Variants in HYDIN observed in about 807,000 individuals in gnomAD.
HYDIN encodes the protein axonemal central pair apparatus protein HYDIN.
In HYDIN, 132 loss-of-function variants were observed where a neutral mutation model predicts 403.9. The observed-to-expected ratio is 0.33, with a 90% confidence interval of 0.28 to 0.38. The LOEUF is 0.38. HYDIN is among the 10% of genes least tolerant of loss of function. HYDIN has a pLI of 1.00. For missense variants in HYDIN, 2,827 were observed against 5,009.5 expected (o/e 0.56, Z 13.15); for synonymous variants, 1,202 against 1,891.7 (o/e 0.64, Z 9.46).
At position 70,901,137 on chromosome 16, in the gene HYDIN, C is replaced by G; in HGVS notation, c.8915G>C (p.Ser2972Thr). Residue 2972 changes from serine (S) to threonine (T), a missense_variant, in exon 53 of 86, where the codon AGC (serine) becomes ACC (threonine). Transcript: ENST00000393567. ...TLLPVAWRIT[S>T]LEHLGDDFTV... ...GAAATCATCACCCAAGTGCTCCAGG[C>G]TGGTGATCCGCCAGGCCACAGGCAG... 5.3e-6 allele frequency: 5 copies of G among 944,762 alleles called. No homozygotes were observed. The East Asian group carries it at 1.2e-4, about 23-fold the overall frequency. The allele number at this position is 944,762 out of a possible 1,614,324, so 58.5% of individuals were successfully genotyped here.
At chr16:70,896,213 G>C in intron 53 of HYDIN, 133 bp from the exon 54 acceptor site, 1 of 871,404 alleles carries the variant, frequency 1.1e-6, no homozygotes, top group Non-Finnish European at 1.7e-6. Context: ...TTTTATCTTC[G>C]CCAAGCATTT....
At chr16:70,847,611 T>C (rs1359105197) in intron 75 of HYDIN, among the ~76,000 whole-genome samples, 3 of 152,128 alleles carry the variant, frequency 2.0e-5, no homozygotes, top group Non-Finnish European at 2.9e-5. Flanking sequence ...TAAAATTCCT[T>C]GTTGATAATT....
In HYDIN at chr16:70,868,557, T is replaced by C; in HGVS notation, c.11310+13A>G. ...GAGGCCTGGTCAGATTGGTGCTTGA[T>C]GTCCCCACTTACTTTTCGTTTTGTA... On this transcript the variant is annotated intron_variant, in intron 66 of 85. Coordinates refer to ENST00000393567, the MANE Select transcript of HYDIN (RefSeq NM_001270974.2). 6.2e-7 allele frequency: 1 copy of C among 1,606,690 alleles called. No individual in the cohort carries two copies. The highest frequency in any genetic ancestry group is 8.5e-7 in the Non-Finnish European group (1 of 1,177,674).
At chr16:70,865,422 A>C (rs1458768148) in intron 67 of HYDIN, 1 of 373,844 alleles carries the variant, frequency 2.7e-6, no homozygotes, top group East Asian at 7.2e-5. Context: ...TCAGATTATG[A>C]GCTCTTTGAA....
intron 1 of HYDIN, among the ~76,000 whole-genome samples, chr16:71,225,723 C>T (rs1022409346): frequency 1.3e-5 from 2 of 151,760 alleles, no homozygotes; most frequent in Admixed American, 1.3e-4. Context: ...CACAGTTCTC[C>T]CCACCAAGAC....
At position 70,807,507 on chromosome 16, in the gene HYDIN, ATTG is replaced by A. The variant is rs2035161584; in HGVS notation, c.*70_*72del. On this transcript the variant is annotated 3_prime_UTR_variant, in exon 86 of 86. Coordinates refer to ENST00000393567, the MANE Select transcript of HYDIN (RefSeq NM_001270974.2). ...TAAAAACAGTTCCTTTAGAATTCTT[ATTG>A]TTTTCTCTATTCTTTTTCAGGCTAA... 1.4e-6 allele frequency: 2 copies of A among 1,476,474 alleles called. No individual in the cohort carries two copies. The highest frequency in any genetic ancestry group is 1.8e-6 in the Non-Finnish European group (2 of 1,098,016). The allele number at this position is 1,476,474 out of a possible 1,614,324, so 91.5% of individuals were successfully genotyped here.
chr16:71,011,334 G>A (rs2080074340), intron 23 of HYDIN, among the ~76,000 whole-genome samples: 1 of 152,198 alleles, frequency 6.6e-6, no homozygotes, highest in Non-Finnish European at 1.5e-5. Flanking sequence ...GAGGAGCACA[G>A]CGCTTGGATT....
At chr16:71,135,832 G>C (rs2084897505) in intron 8 of HYDIN, among the ~76,000 whole-genome samples, 1 of 141,804 alleles carries the variant, frequency 7.1e-6, no homozygotes, top group African/African-American at 2.6e-5. Context: ...TGGCAATTCA[G>C]TGATTAAAGC....
chr16:70,968,536 A>G (rs996005147), intron 36 of HYDIN, among the ~76,000 whole-genome samples: 4 of 151,992 alleles, frequency 2.6e-5, no homozygotes, highest in African/African-American at 9.7e-5. Context: ...AGCCAGAAAT[A>G]CCACTCCTGC....
intron 7 of HYDIN, among the ~76,000 whole-genome samples, chr16:71,151,779 TG>T (rs1298324863): frequency 6.7e-6 from 1 of 150,228 alleles, no homozygotes; most frequent in Admixed American, 6.6e-5. Flanking sequence ...AAGCCAACTT[TG>T]GAGACTGCAT....
intron 75 of HYDIN, among the ~76,000 whole-genome samples, chr16:70,840,624 G>T (rs2037752510): frequency 1.3e-5 from 2 of 152,188 alleles, no homozygotes; most frequent in Admixed American, 1.3e-4. Context: ...ATCAGACATA[G>T]TTCCAGTCAT....
intron 1 of HYDIN, among the ~76,000 whole-genome samples, chr16:71,207,191 C>T (rs893510291): frequency 1.3e-5 from 2 of 152,150 alleles, no homozygotes; most frequent in African/African-American, 4.8e-5. Context: ...GACAGGTCAC[C>T]TACAAAGGGG....
At chr16:71,222,523 T>C (rs561570523) in intron 1 of HYDIN, among the ~76,000 whole-genome samples, 58 of 151,992 alleles carry the variant, frequency 3.8e-4, no homozygotes, top group Non-Finnish European at 2.5e-4. Flanking sequence ...GGCATCCAAA[T>C]TGGAAAAGAA....
intron 85 of HYDIN, among the ~76,000 whole-genome samples, chr16:70,808,277 T>A (rs2035228996): frequency 6.6e-6 from 1 of 152,190 alleles, no homozygotes. Context: ...GGCAAAGAGA[T>A]GTTAATAATG....
Position 71,051,632 on chromosome 16 carries a change from CG to C in HYDIN, c.2529+8871del, listed in dbSNP as rs2081643197. 2.1e-5 allele frequency among the ~76,000 whole-genome samples: 3 copies of C among 140,112 alleles called. No homozygotes were observed. The Admixed American group carries it at 2.3e-4, about 11-fold the overall frequency. 91.9% of individuals were successfully genotyped at this position (140,112 alleles called of 152,430 possible). A position where few individuals can be genotyped will look rare whatever the true frequency, so the allele number is the denominator to read the frequency against. Reference sequence around the variant, plus strand: ...CTGCACTCCAGCCTGGGCGACAGAGCGAGACTCTGTCTCAAAAAAAAAAAAA... The same window carrying C: ...CTGCACTCCAGCCTGGGCGACAGAGCAGACTCTGTCTCAAAAAAAAAAAAA... On this transcript the variant is annotated intron_variant, in intron 18 of 85. Coordinates refer to ENST00000393567, the MANE Select transcript of HYDIN (RefSeq NM_001270974.2).
Position 71,158,636 on chromosome 16 carries a change from G to A in HYDIN, c.716+3895C>T, listed in dbSNP as rs372363538. ...TGTAACAGTTTTTAATGGGTATTGTGAATGGTGGTTGTGGGAGACCATTTT... is the reference window on the plus strand; with the variant it reads ...TGTAACAGTTTTTAATGGGTATTGTAAATGGTGGTTGTGGGAGACCATTTT... On this transcript the variant is annotated intron_variant, in intron 6 of 85. Coordinates refer to ENST00000393567, the MANE Select transcript of HYDIN (RefSeq NM_001270974.2). 2.0e-3 allele frequency among the ~76,000 whole-genome samples: 293 copies of A among 145,594 alleles called. 1 individual carries two copies. Among genetic ancestry groups the A allele is most frequent in the African/African-American group, 6.9e-3 (275 of 39,576 alleles).
At chr16:71,038,240 A>G (rs2081160666) in intron 18 of HYDIN, among the ~76,000 whole-genome samples, 1 of 152,288 alleles carries the variant, frequency 6.6e-6, no homozygotes, top group Admixed American at 6.5e-5. Flanking sequence ...CTGAGGTTTC[A>G]TATATCTAAG....
chr16:70,978,047 C>T (rs1013277227), intron 30 of HYDIN, among the ~76,000 whole-genome samples: 8 of 152,176 alleles, frequency 5.3e-5, no homozygotes, highest in Admixed American at 4.6e-4. Flanking sequence ...GCTCCGGTTC[C>T]CTACTGGCTG....
At chr16:71,107,298 TA>T (rs1323263002) in intron 10 of HYDIN, among the ~76,000 whole-genome samples, 1 of 138,594 alleles carries the variant, frequency 7.2e-6, no homozygotes, top group Non-Finnish European at 1.6e-5. Context: ...TAAAGCATAA[TA>T]AAAAACAAGT....
Sources: allele counts gnomAD v4.1 joint callset (sites outside exome capture counted in the v4.1 genomes callset), GRCh38; gene constraint gnomAD v4.1.1; transcripts MANE v1.5; gene names NCBI Gene and HGNC (gene_info 2026-07-23, HGNC 2026-07-21).